MAGI2: variants seen among roughly 807,000 people sequenced by gnomAD.
MAGI2 encodes the protein membrane associated guanylate kinase, WW and PDZ domain containing 2.
A neutral mutation model predicts 133.3 loss-of-function variants in MAGI2; 35 were observed. That is an observed-to-expected ratio of 0.26 (90% CI 0.20 to 0.35). The LOEUF is 0.35. Ranked by LOEUF, MAGI2 falls within the 10% of genes least tolerant of loss-of-function variation. The probability of loss-of-function intolerance (pLI) is 1.00; values close to 1 mark genes in which losing one functional copy is unlikely to be tolerated. For synonymous variants in MAGI2, 729 were observed against 710.6 expected (o/e 1.03, Z -0.41); for missense variants, 1,636 against 1,863.4 (o/e 0.88, Z 2.25).
chr7:78,816,087 A>T (rs1195026131), intron 2 of MAGI2, among the ~76,000 whole-genome samples: 3 of 152,224 alleles, frequency 2.0e-5, no homozygotes, highest in Admixed American at 1.3e-4. Context: ...CACAGAAGTG[A>T]TAAGAAAGCA....
At chr7:78,022,150 G>A (rs1171311454) in intron 21 of MAGI2, among the ~76,000 whole-genome samples, 1 of 152,178 alleles carries the variant, frequency 6.6e-6, no homozygotes, top group Non-Finnish European at 1.5e-5. Flanking sequence ...ATGAGAATGT[G>A]TTCTACTTTT....
intron 1 of MAGI2, among the ~76,000 whole-genome samples, chr7:79,323,251 C>T (rs1482156139): frequency 6.6e-6 from 1 of 152,134 alleles, no homozygotes; most frequent in East Asian, 1.9e-4. Context: ...CTCCCCTCTC[C>T]TCAATGAACT....
intron 2 of MAGI2, among the ~76,000 whole-genome samples, chr7:78,942,142 T>C (rs1040834062): frequency 2.6e-5 from 4 of 152,164 alleles, no homozygotes; most frequent in Non-Finnish European, 2.9e-5. Flanking sequence ...TCCTCCTATG[T>C]AGCTTGATCC....
intron 2 of MAGI2, among the ~76,000 whole-genome samples, chr7:78,927,627 TA>T (rs947954292): frequency 6.6e-5 from 10 of 151,762 alleles, no homozygotes; most frequent in African/African-American, 2.2e-4. Flanking sequence ...AATCTATGAT[TA>T]AAAAAAACTC....
intron 9 of MAGI2, among the ~76,000 whole-genome samples, chr7:78,342,827 G>C (rs947428498): frequency 6.6e-6 from 1 of 152,132 alleles, no homozygotes; most frequent in African/African-American, 2.4e-5. Flanking sequence ...GGGGATAGGG[G>C]AGGGATAGCA....
At chr7:78,219,112 G>T (rs1029800102) in intron 10 of MAGI2, among the ~76,000 whole-genome samples, 1 of 152,082 alleles carries the variant, frequency 6.6e-6, no homozygotes, top group African/African-American at 2.4e-5. Flanking sequence ...AACGTGCCTC[G>T]TCTACCTTCC....
At chr7:78,321,808 G>A (rs1048427774) in intron 9 of MAGI2, among the ~76,000 whole-genome samples, 1 of 152,076 alleles carries the variant, frequency 6.6e-6, no homozygotes, top group Non-Finnish European at 1.5e-5. Context: ...CACTGCAAAA[G>A]AAATTATCAT....
At chr7:79,425,890 G>A (rs1585936122) in intron 1 of MAGI2, among the ~76,000 whole-genome samples, 3 of 152,046 alleles carry the variant, frequency 2.0e-5, no homozygotes, top group Non-Finnish European at 1.5e-5. Flanking sequence ...ATTGTTTAAC[G>A]ACAACAAAAA....
chr7:78,185,561 A>G (rs1479654313), intron 13 of MAGI2, 68 bp downstream of exon 13: 2 of 1,250,110 alleles, frequency 1.6e-6, no homozygotes, highest in South Asian at 3.0e-5. Flanking sequence ...TACTATCAGA[A>G]GAATGATTTG....
intron 2 of MAGI2, among the ~76,000 whole-genome samples, chr7:78,812,582 A>ATGTGTGTGTGTGTG (rs879528443): frequency 1.2e-5 from 1 of 82,492 alleles, no homozygotes; most frequent in African/African-American, 5.5e-5. Context: ...ACATATATGT[A>ATGTGTGTGTGTGTG]TGTATGTGTG....
chr7:78,482,730 G>A (rs1323400802), intron 6 of MAGI2, among the ~76,000 whole-genome samples: 1 of 151,834 alleles, frequency 6.6e-6, no homozygotes, highest in Non-Finnish European at 1.5e-5. Flanking sequence ...ATCAGTGGCT[G>A]TCAAGGGTCA....
chr7:79,041,123 G>A (rs982450226), intron 1 of MAGI2, among the ~76,000 whole-genome samples: 3 of 151,976 alleles, frequency 2.0e-5, no homozygotes, highest in African/African-American at 7.2e-5. Context: ...CTAAAGTACT[G>A]GGATTACAAA....
chr7:78,355,780 C>T lies in MAGI2; in HGVS notation c.1104-9737G>A, dbSNP rs79333433. Among the ~76,000 whole-genome samples, 259 of 152,194 alleles carry T rather than the reference C, an allele frequency of 1.7e-3. 4 individuals are homozygous for T. In the East Asian group the frequency reaches 0.037, roughly 22 times the overall value. On this transcript the variant is annotated intron_variant, in intron 7 of 21. Coordinates refer to ENST00000354212, the MANE Select transcript of MAGI2 (RefSeq NM_012301.4). ...AATTTCTTTTTATCAGTTTTCATTA[C>T]GAAATTGGAAACTTTAAAAACATTG...
At chr7:78,263,665 C>T (rs1417180142) in intron 9 of MAGI2, among the ~76,000 whole-genome samples, 2 of 152,086 alleles carry the variant, frequency 1.3e-5, no homozygotes, top group Non-Finnish European at 2.9e-5. Flanking sequence ...TTCTCCATAT[C>T]CAGCGGCTGC....
At chr7:79,252,127 A>G (rs1435221788) in intron 1 of MAGI2, among the ~76,000 whole-genome samples, 1 of 144,362 alleles carries the variant, frequency 6.9e-6, no homozygotes, top group Non-Finnish European at 1.5e-5. Context: ...GCTGCACTCC[A>G]GCCTGTGGGT....
At chr7:78,654,753 T>C (rs971036258) in intron 2 of MAGI2, among the ~76,000 whole-genome samples, 2 of 139,738 alleles carry the variant, frequency 1.4e-5, no homozygotes, top group African/African-American at 5.3e-5. Context: ...ATATATAGCA[T>C]ATATTTTGCA....
At chr7:79,345,108 C>G (rs918097135) in intron 1 of MAGI2, among the ~76,000 whole-genome samples, 1 of 152,076 alleles carries the variant, frequency 6.6e-6, no homozygotes, top group African/African-American at 2.4e-5. Context: ...CCAAGTACCT[C>G]AGAATGTCAC....
chr7:79,212,794 A>C (rs117209875), intron 1 of MAGI2, among the ~76,000 whole-genome samples: 117 of 152,200 alleles, frequency 7.7e-4, no homozygotes, highest in Non-Finnish European at 1.3e-3. Context: ...GCTGGAGAAC[A>C]GAACAAAACA....
chr7:78,223,491 G>A (rs1789040389), intron 10 of MAGI2, among the ~76,000 whole-genome samples: 1 of 152,018 alleles, frequency 6.6e-6, no homozygotes, highest in Non-Finnish European at 1.5e-5. Context: ...TAGGGGAGAG[G>A]ATAACTACCT....
Sources: allele counts gnomAD v4.1 joint callset (sites outside exome capture counted in the v4.1 genomes callset), GRCh38; gene constraint gnomAD v4.1.1; transcripts MANE v1.5; gene names NCBI Gene and HGNC (gene_info 2026-07-23, HGNC 2026-07-21).